The following FGF10 variants were observed in gnomAD, a reference collection of about 807,000 sequenced individuals.
FGF10 encodes the protein fibroblast growth factor 10, also known as FGF-10.
In FGF10, 2 loss-of-function variants were observed where a neutral mutation model predicts 19.8. The ratio of observed to expected loss-of-function variants is 0.10; its 90% CI spans 0.04 to 0.32. The LOEUF (loss-of-function observed/expected upper bound fraction) is 0.32, where lower values mean the gene tolerates loss of function less well. Among genes scored for constraint, FGF10 ranks in the 10% least tolerant of loss-of-function variants. FGF10 has a pLI of 1.00. For synonymous variants in FGF10, 112 were observed against 94.0 expected (o/e 1.19, Z -1.10); for missense variants, 191 against 246.3 (o/e 0.78, Z 1.50).
chr5:44,347,374 G>C (rs974840887), intron 1 of FGF10, among the ~76,000 whole-genome samples: 1 of 151,640 alleles, frequency 6.6e-6, no homozygotes, highest in Non-Finnish European at 1.5e-5. Context: ...GAAGAAATGC[G>C]AGCAACCCTT....
At position 44,345,633 on chromosome 5, in the gene FGF10, C is replaced by CA. The variant is rs199895920; in HGVS notation, c.326-35104dup. ...TCACTGTTCATTCCCTTTCTCAGCT[C>CA]AAAAAAAAAAAAAAAAAATCGAACT... is the stretch of plus-strand genomic sequence containing the variant. On this transcript the variant is annotated intron_variant, in intron 1 of 2. Transcript: ENST00000264664. 5.9e-3 allele frequency among the ~76,000 whole-genome samples: 794 copies of CA among 134,418 alleles called. 9 individuals carry two copies. The highest frequency in any genetic ancestry group is 0.017 in the African/African-American group (640 of 37,124). The allele number at this position is 134,418 out of a possible 152,430, so 88.2% of individuals were successfully genotyped here. A position where few individuals can be genotyped will look rare whatever the true frequency, so the allele number is the denominator to read the frequency against.
At chr5:44,312,660 G>A (rs10461755) in intron 1 of FGF10, among the ~76,000 whole-genome samples, 2,021 of 152,166 alleles carry the variant, frequency 0.013, 90 homozygotes, top group East Asian at 0.12. Context: ...AGCAGAGCAG[G>A]AGGTAGAATT....
At chr5:44,314,402 C>T (rs924554928) in intron 1 of FGF10, among the ~76,000 whole-genome samples, 1 of 151,950 alleles carries the variant, frequency 6.6e-6, no homozygotes, top group African/African-American at 2.4e-5. Context: ...TAAATAGTAG[C>T]AATCTATAAA....
At chr5:44,376,942 C>T (rs1329994491) in intron 1 of FGF10, among the ~76,000 whole-genome samples, 2 of 151,776 alleles carry the variant, frequency 1.3e-5, no homozygotes, top group African/African-American at 2.4e-5. Context: ...AATATTTTGC[C>T]AGAAAGTTTA....
chr5:44,369,188 G>A (rs377502509), intron 1 of FGF10, among the ~76,000 whole-genome samples: 54 of 152,198 alleles, frequency 3.5e-4, no homozygotes, highest in East Asian at 2.9e-3. Context: ...TCACTCGTCT[G>A]AGAAAAGGTC....
At chr5:44,318,976 A>G (rs1363636431) in intron 1 of FGF10, among the ~76,000 whole-genome samples, 1 of 152,180 alleles carries the variant, frequency 6.6e-6, no homozygotes, top group Non-Finnish European at 1.5e-5. Context: ...AAATCTAGAT[A>G]TTGTCTGTTT....
intron 1 of FGF10, among the ~76,000 whole-genome samples, chr5:44,379,906 AT>A (rs1741949349): frequency 1.3e-5 from 2 of 152,286 alleles, no homozygotes; most frequent in Middle Eastern, 3.4e-3. Flanking sequence ...CTTCTAAAAA[AT>A]TTCATTATGT....
intron 1 of FGF10, among the ~76,000 whole-genome samples, chr5:44,375,218 TCA>T (rs1325855217): frequency 6.6e-6 from 1 of 152,192 alleles, no homozygotes; most frequent in African/African-American, 2.4e-5. Context: ...GGTGTGGTTC[TCA>T]CTCTCAACAA....
Position 44,388,578 on chromosome 5 carries a change from GACAGGGACGGAAGACACCAAGA to G in FGF10, c.83_104del (p.Phe28SerfsTer79). ...TGTCCTGACCAAGGGCTTGGCAGGT[GACAGGGACGGAAGACACCAAGA>G]ACAGCAACAAAAAGCAGCAGCAGCA... is the stretch of plus-strand genomic sequence containing the variant. On this transcript the variant is annotated frameshift_variant, in exon 1 of 3. Transcript: ENST00000264664. LOFTEE classifies it high-confidence loss of function. 6.2e-7 allele frequency: 1 copy of G among 1,614,152 alleles called. No homozygotes were observed.
chr5:44,375,326 G>A (rs1364912947), intron 1 of FGF10, among the ~76,000 whole-genome samples: 1 of 152,116 alleles, frequency 6.6e-6, no homozygotes, highest in Non-Finnish European at 1.5e-5. Flanking sequence ...TGGAAGCACA[G>A]GTTTTGAGAG....
intron 1 of FGF10, among the ~76,000 whole-genome samples, chr5:44,382,481 A>G (rs993524947): frequency 9.2e-5 from 14 of 152,204 alleles, no homozygotes; most frequent in Admixed American, 9.2e-4. Flanking sequence ...AGATGCAGGT[A>G]TATTTCCTTT....
intron 1 of FGF10, among the ~76,000 whole-genome samples, chr5:44,351,818 TAAAC>T (rs1741239903): frequency 6.6e-6 from 1 of 151,682 alleles, no homozygotes; most frequent in Non-Finnish European, 1.5e-5. Context: ...TGCCAAAAGA[TAAAC>T]AACAGTTACA....
intron 1 of FGF10, among the ~76,000 whole-genome samples, chr5:44,353,555 T>C (rs1003528540): frequency 6.6e-6 from 1 of 151,576 alleles, no homozygotes; most frequent in Non-Finnish European, 1.5e-5. Context: ...AAATAATAAA[T>C]TTTAAAAAGT....
chr5:44,320,137 T>C (rs781587153), intron 1 of FGF10, among the ~76,000 whole-genome samples: 9 of 152,320 alleles, frequency 5.9e-5, no homozygotes, highest in East Asian at 3.9e-4. Context: ...GAGGTGGTGA[T>C]GCTAGCACTG....
intron 1 of FGF10, among the ~76,000 whole-genome samples, chr5:44,332,338 T>C (rs1188883929): frequency 6.6e-6 from 1 of 152,116 alleles, no homozygotes; most frequent in Non-Finnish European, 1.5e-5. Flanking sequence ...AGAGCCAAAA[T>C]CACAATTTAG....
At chr5:44,338,194 A>G (rs1740895074) in intron 1 of FGF10, among the ~76,000 whole-genome samples, 1 of 152,168 alleles carries the variant, frequency 6.6e-6, no homozygotes, top group Non-Finnish European at 1.5e-5. Context: ...TTAATATATT[A>G]TCTTAAATAA....
At chr5:44,315,223 G>T (rs199502430) in intron 1 of FGF10, among the ~76,000 whole-genome samples, 1 of 151,606 alleles carries the variant, frequency 6.6e-6, no homozygotes, top group East Asian at 1.9e-4. Flanking sequence ...ATTAAGTGTG[G>T]TATGAGAGAT....
chr5:44,338,033 A>G (rs2111779473), intron 1 of FGF10, among the ~76,000 whole-genome samples: 1 of 152,176 alleles, frequency 6.6e-6, no homozygotes, highest in South Asian at 2.1e-4. Context: ...TAAATAAATT[A>G]TTATTCTAAC....
chr5:44,346,901 G>A (rs1007425289), intron 1 of FGF10, among the ~76,000 whole-genome samples: 1 of 151,640 alleles, frequency 6.6e-6, no homozygotes, highest in Non-Finnish European at 1.5e-5. Flanking sequence ...AGTGACTACT[G>A]AATTGAATAA....
Sources: gnomAD v4.1 joint callset for allele counts (sites outside exome capture counted in the v4.1 genomes callset) on GRCh38, gnomAD v4.1.1 for gene constraint, MANE v1.5 for transcripts, NCBI Gene and HGNC (gene_info 2026-07-23, HGNC 2026-07-21) for gene names.